SHANK2: variants seen among roughly 807,000 people sequenced by gnomAD.
SHANK2 encodes SH3 and multiple ankyrin repeat domains protein 2.
Under a neutral mutation model 133.7 loss-of-function variants are expected in SHANK2, and 43 were observed. That is an observed-to-expected ratio of 0.32 (90% CI 0.25 to 0.41). The LOEUF is 0.41. Among genes scored for constraint, SHANK2 ranks in the 10% least tolerant of loss-of-function variants. The pLI is 1.00. For synonymous variants in SHANK2, 1,017 were observed against 952.8 expected (o/e 1.07, Z -1.24); for missense variants, 1,994 against 2,235.8 (o/e 0.89, Z 2.18).
At chr11:71,065,287 G>A (rs1951034567) in intron 9 of SHANK2, among the ~76,000 whole-genome samples, 1 of 151,772 alleles carries the variant, frequency 6.6e-6, no homozygotes, top group African/African-American at 2.4e-5. Flanking sequence ...AGTGAGTGGG[G>A]AAGTTGGTGG....
intron 11 of SHANK2, among the ~76,000 whole-genome samples, chr11:70,833,484 T>G (rs1466011315): frequency 6.6e-6 from 1 of 152,222 alleles, no homozygotes; most frequent in Non-Finnish European, 1.5e-5. Context: ...CAGGGAGGCC[T>G]CTGGTCCAGG....
intron 14 of SHANK2, among the ~76,000 whole-genome samples, chr11:70,709,926 T>C (rs1240041991): frequency 6.6e-6 from 1 of 152,030 alleles, no homozygotes; most frequent in Admixed American, 6.5e-5. Flanking sequence ...GCTGAGTCTA[T>C]GCTTTCAGGG....
chr11:70,754,124 A>G (rs574978629), intron 14 of SHANK2, among the ~76,000 whole-genome samples: 22 of 152,212 alleles, frequency 1.4e-4, no homozygotes, highest in Non-Finnish European at 3.1e-4. Flanking sequence ...TGTGTAGTTT[A>G]AAAAGCATCT....
chr11:70,827,401 A>G (rs915590657), intron 11 of SHANK2, among the ~76,000 whole-genome samples: 2 of 140,784 alleles, frequency 1.4e-5, no homozygotes, highest in Non-Finnish European at 3.0e-5. Flanking sequence ...TTCCAACCCA[A>G]CAGAAGAAGA....
In SHANK2 at chr11:70,487,966, T is replaced by C. The variant is rs1329749677; in HGVS notation, c.2573-246A>G. Among the ~76,000 whole-genome samples, 1 of 152,202 alleles carries C rather than the reference T, an allele frequency of 6.6e-6. No individual in the cohort carries two copies. Among genetic ancestry groups the C allele is most frequent in the African/African-American group, 2.4e-5 (1 of 41,444 alleles). The stretch of plus-strand genomic sequence containing the variant: ...GTGAGTACGCTGCTGCTGTGGGGCC[T>C]CCAGGCACAGGCTGCAGCAGGGGAG... On this transcript the variant is annotated intron_variant, in intron 24 of 25. Coordinates refer to ENST00000601538, the MANE Select transcript of SHANK2 (RefSeq NM_012309.5). The surrounding 1 kb of genome is among the most constrained non-coding windows in gnomAD (Gnocchi z 5.8).
At chr11:71,071,971 C>T (rs1951148752) in intron 9 of SHANK2, among the ~76,000 whole-genome samples, 1 of 152,172 alleles carries the variant, frequency 6.6e-6, no homozygotes, top group Admixed American at 6.5e-5. Context: ...GAGCCACATC[C>T]CCTCCCAGCC....
Position 70,470,639 on chromosome 11 carries a change from C to A in SHANK2, c.*2230G>T, listed in dbSNP as rs957348353. The A allele has an allele frequency of 1.3e-5, 2 of 152,486 alleles. No homozygotes were observed. Among genetic ancestry groups the A allele is most frequent in the African/African-American group, 4.8e-5 (2 of 41,438 alleles). The allele number at this position is 152,486 out of a possible 1,614,324, so 9.4% of individuals were successfully genotyped here. A position where few individuals can be genotyped will look rare whatever the true frequency, so the allele number is the denominator to read the frequency against. On this transcript the variant is annotated 3_prime_UTR_variant, in exon 26 of 26. Coordinates refer to ENST00000601538, the MANE Select transcript of SHANK2 (RefSeq NM_012309.5). ...AATATGGGGCAGCCTCAGCAGGCCA[C>A]CTGTAGTATCCTGTCTTGAAATTTA...
chr11:70,819,627 G>C (rs1948475642), intron 12 of SHANK2, among the ~76,000 whole-genome samples: 1 of 152,182 alleles, frequency 6.6e-6, no homozygotes, highest in Non-Finnish European at 1.5e-5. Flanking sequence ...GGGGTGCTGG[G>C]CAGGAGACCA....
At chr11:70,769,668 G>C (rs1032008496) in intron 14 of SHANK2, among the ~76,000 whole-genome samples, 2 of 152,256 alleles carry the variant, frequency 1.3e-5, no homozygotes, top group African/African-American at 2.4e-5. Flanking sequence ...CTGAGCACAA[G>C]TGAAGCATGT....
intron 17 of SHANK2, among the ~76,000 whole-genome samples, chr11:70,506,965 G>A (rs1350922357): frequency 2.0e-5 from 3 of 152,144 alleles, no homozygotes; most frequent in Non-Finnish European, 2.9e-5. Flanking sequence ...GATTACCAAG[G>A]GTCAAATCCC....
At chr11:70,621,202 C>T (rs190648270) in intron 17 of SHANK2, among the ~76,000 whole-genome samples, 1 of 152,284 alleles carries the variant, frequency 6.6e-6, no homozygotes, top group Non-Finnish European at 1.5e-5. Flanking sequence ...CCCAGGAAGA[C>T]CCAATTTCTG....
chr11:71,170,854 C>T (rs1483529572), intron 2 of SHANK2, among the ~76,000 whole-genome samples: 1 of 152,250 alleles, frequency 6.6e-6, no homozygotes, highest in African/African-American at 2.4e-5. Context: ...TTAGGAAATG[C>T]GATGGTCCTC....
At chr11:71,212,141 C>T (rs1175036976) in intron 2 of SHANK2, among the ~76,000 whole-genome samples, 2 of 152,136 alleles carry the variant, frequency 1.3e-5, no homozygotes, top group Non-Finnish European at 2.9e-5. Context: ...TCTGTTATTC[C>T]ATCTTTCTCT....
At chr11:70,755,685 A>G (rs556524479) in intron 14 of SHANK2, among the ~76,000 whole-genome samples, 1 of 150,336 alleles carries the variant, frequency 6.7e-6, no homozygotes, top group Non-Finnish European at 1.5e-5. Flanking sequence ...TCGGCTCCGC[A>G]CCCCGCGGCT....
intron 21 of SHANK2, among the ~76,000 whole-genome samples, chr11:70,496,786 G>A (rs1407646960): frequency 6.6e-6 from 1 of 150,464 alleles, no homozygotes. Flanking sequence ...GGTGGGCAAC[G>A]GCTGCAGAAA....
chr11:70,731,540 C>T (rs1425827376), intron 14 of SHANK2, among the ~76,000 whole-genome samples: 1 of 152,202 alleles, frequency 6.6e-6, no homozygotes, highest in Non-Finnish European at 1.5e-5. Context: ...ACTTCTTTTA[C>T]TCAGCATCCT....
chr11:71,146,016 G>C (rs1332937334), intron 3 of SHANK2, among the ~76,000 whole-genome samples: 6 of 152,156 alleles, frequency 3.9e-5, no homozygotes, highest in Non-Finnish European at 7.3e-5. Context: ...CTAACTCTTG[G>C]ATGTCTACCA....
rs80281698 is a variant in SHANK2, at chr11:70,811,160, G to T, written c.1494-3989C>A. Among the ~76,000 whole-genome samples the T allele has an allele frequency of 7.7e-3, 1,170 of 152,224 alleles. 18 individuals are homozygous for T. The highest frequency in any genetic ancestry group is 0.027 in the African/African-American group (1,124 of 41,526). ...GGCTTCCTCCCGAGGGGAAAGGGTG[G>T]GTCAAAGTCTAGAGGAAAAATCAGA... On this transcript the variant is annotated intron_variant, in intron 12 of 25. Coordinates refer to ENST00000601538, the MANE Select transcript of SHANK2 (RefSeq NM_012309.5).
intron 17 of SHANK2, among the ~76,000 whole-genome samples, chr11:70,612,114 C>T (rs935945232): frequency 8.5e-5 from 13 of 152,128 alleles, no homozygotes; most frequent in Non-Finnish European, 1.8e-4. Flanking sequence ...GGGAAGTTGC[C>T]TGCGACTCCT....
Sources: allele counts gnomAD v4.1 joint callset (sites outside exome capture counted in the v4.1 genomes callset), GRCh38; gene constraint gnomAD v4.1.1; non-coding constraint Gnocchi (gnomAD v3.1); transcripts MANE v1.5; gene names NCBI Gene and HGNC (gene_info 2026-07-23, HGNC 2026-07-21).